Variants in CORO1C observed in about 807,000 individuals in gnomAD.
CORO1C encodes coronin 1C.
A neutral mutation model predicts 51.2 loss-of-function variants in CORO1C; 14 were observed. The observed-to-expected ratio is 0.27, with a 90% CI of 0.18 to 0.43. CORO1C has a LOEUF of 0.43. CORO1C is among the 20% of genes least tolerant of loss of function. The probability of loss-of-function intolerance (pLI) is 1.00; values close to 1 mark genes in which losing one functional copy is unlikely to be tolerated. For synonymous variants in CORO1C, 181 were observed against 210.5 expected (o/e 0.86, Z 1.21); for missense variants, 417 against 607.8 (o/e 0.69, Z 3.30).
chr12:108,704,324 T>C (rs2034965783), intron 1 of CORO1C, among the ~76,000 whole-genome samples: 2 of 152,028 alleles, frequency 1.3e-5, no homozygotes, highest in South Asian at 4.2e-4. Context: ...ATACAAAAAT[T>C]AGCCGGGTGT....
intron 1 of CORO1C, among the ~76,000 whole-genome samples, chr12:108,721,536 C>T (rs573491999): frequency 6.6e-6 from 1 of 152,260 alleles, no homozygotes; most frequent in African/African-American, 2.4e-5. Flanking sequence ...AAAAGTAAAT[C>T]AAAACATTAA....
intron 1 of CORO1C, among the ~76,000 whole-genome samples, chr12:108,715,313 G>C (rs2035297436): frequency 6.6e-6 from 1 of 151,992 alleles, no homozygotes; most frequent in Non-Finnish European, 1.5e-5. Flanking sequence ...TGAACTAAAA[G>C]ATGCCATAAT....
chr12:108,656,590 C>A (rs942039504), intron 6 of CORO1C, among the ~76,000 whole-genome samples: 1 of 152,064 alleles, frequency 6.6e-6, no homozygotes, highest in African/African-American at 2.4e-5. Flanking sequence ...ATGACGATGG[C>A]GGTTTTGTGG....
At chr12:108,677,139 T>C (rs1181306386) in intron 3 of CORO1C, among the ~76,000 whole-genome samples, 6 of 152,332 alleles carry the variant, frequency 3.9e-5, no homozygotes, top group Non-Finnish European at 7.3e-5. Flanking sequence ...CGTGCGAGAC[T>C]ACCTGACATG....
chr12:108,718,088 T>C (rs2035383522), intron 1 of CORO1C, among the ~76,000 whole-genome samples: 1 of 152,174 alleles, frequency 6.6e-6, no homozygotes, highest in African/African-American at 2.4e-5. Context: ...GCCTGGTGGC[T>C]CACGCCTGTA....
In CORO1C at chr12:108,678,279, G is replaced by T. The variant is rs541618407; in HGVS notation, c.311C>A (p.Thr104Lys). The T allele has an allele frequency of 6.2e-7, 1 of 1,610,590 alleles. No individual in the cohort carries two copies. The highest frequency in any genetic ancestry group is 1.1e-5 in the South Asian group (1 of 90,596). ...AACACCCTGGGAGCTTACCATGACC[G>T]TGCAGTCCTCTGAACCGCTGGCAAT... The part of the protein sequence containing the change: ...QVIASGSEDC[T>K]VMVWQIPENG... Residue 104 changes from threonine to lysine, a missense_variant, in exon 3 of 11, where the codon ACG (threonine) becomes AAG (lysine). Coordinates refer to ENST00000261401, the MANE Select transcript of CORO1C (RefSeq NM_014325.4).
chr12:108,688,425 A>C (rs977407511), intron 2 of CORO1C, among the ~76,000 whole-genome samples: 1 of 152,166 alleles, frequency 6.6e-6, no homozygotes, highest in Non-Finnish European at 1.5e-5. Context: ...TTACACATGT[A>C]CCGCAGCCAT....
intron 8 of CORO1C, among the ~76,000 whole-genome samples, chr12:108,651,641 G>C (rs1306134094): frequency 6.6e-6 from 1 of 152,174 alleles, no homozygotes; most frequent in East Asian, 1.9e-4. Flanking sequence ...GCCCACCAGG[G>C]AACGCTGACC....
intron 1 of CORO1C, among the ~76,000 whole-genome samples, chr12:108,722,539 A>G (rs1172814248): frequency 6.6e-6 from 1 of 152,228 alleles, no homozygotes; most frequent in Non-Finnish European, 1.5e-5. Flanking sequence ...CACTATCACC[A>G]TAAACAATTT....
intron 1 of CORO1C, among the ~76,000 whole-genome samples, chr12:108,729,955 C>T (rs1033163107): frequency 6.6e-6 from 1 of 152,166 alleles, no homozygotes; most frequent in Non-Finnish European, 1.5e-5. Flanking sequence ...TATAGAGTGA[C>T]TAAGAGCCCT....
At chr12:108,659,182 T>C (rs1159086120) in intron 4 of CORO1C, among the ~76,000 whole-genome samples, 1 of 152,158 alleles carries the variant, frequency 6.6e-6, no homozygotes, top group Non-Finnish European at 1.5e-5. Context: ...CTTGTTAAGT[T>C]TGGGTTCATA....
At chr12:108,660,711 G>GA (rs1251461183) in intron 4 of CORO1C, among the ~76,000 whole-genome samples, 1 of 152,188 alleles carries the variant, frequency 6.6e-6, no homozygotes, top group Non-Finnish European at 1.5e-5. Flanking sequence ...ATTGAGCCTT[G>GA]ATGAGAAAGG....
chr12:108,701,675 T>A, intron 1 of CORO1C: 2 of 234,790 alleles, frequency 8.5e-6, no homozygotes, highest in Non-Finnish European at 1.7e-5. Context: ...CTTCCCCTTT[T>A]ACAGATAAGA....
intron 2 of CORO1C, among the ~76,000 whole-genome samples, chr12:108,679,765 G>T (rs1391808026): frequency 1.3e-5 from 2 of 152,116 alleles, no homozygotes; most frequent in Non-Finnish European, 2.9e-5. Flanking sequence ...GACAGGTAAG[G>T]GTTCAAATCC....
At chr12:108,690,626 C>T (rs930802613) in intron 2 of CORO1C, among the ~76,000 whole-genome samples, 3 of 152,194 alleles carry the variant, frequency 2.0e-5, no homozygotes, top group South Asian at 2.1e-4. Context: ...CCCAAATATG[C>T]GATAGCAACC....
chr12:108,716,931 T>C (rs2035351758), intron 1 of CORO1C, among the ~76,000 whole-genome samples: 1 of 152,254 alleles, frequency 6.6e-6, no homozygotes. Flanking sequence ...AGCACCATGC[T>C]AGACATGAGA....
chr12:108,692,197 G>A (rs567074191), intron 2 of CORO1C, among the ~76,000 whole-genome samples: 4 of 151,874 alleles, frequency 2.6e-5, no homozygotes, highest in South Asian at 2.1e-4. Context: ...AGCTTTTCAC[G>A]GCCCATACAC....
intron 6 of CORO1C, among the ~76,000 whole-genome samples, chr12:108,654,722 A>G (rs1016958792): frequency 6.6e-6 from 1 of 151,468 alleles, no homozygotes; most frequent in Non-Finnish European, 1.5e-5. Context: ...TTTTTTTTAA[A>G]GACTGAGTCT....
At chr12:108,671,812 T>C (rs1382095214) in intron 3 of CORO1C, among the ~76,000 whole-genome samples, 2 of 152,166 alleles carry the variant, frequency 1.3e-5, no homozygotes, top group Admixed American at 6.5e-5. Flanking sequence ...AACCAGGCTG[T>C]AGTACAGTGG....
Sources: allele counts gnomAD v4.1 joint callset (sites outside exome capture counted in the v4.1 genomes callset), GRCh38; gene constraint gnomAD v4.1.1; transcripts MANE v1.5; gene names NCBI Gene and HGNC (gene_info 2026-07-23, HGNC 2026-07-21).